Variants in SEM1 observed in about 807,000 individuals in gnomAD.
SEM1 encodes 26S proteasome complex subunit SEM1.
In SEM1, 3 loss-of-function variants were observed where a neutral mutation model predicts 12.7. The ratio of observed to expected loss-of-function variants is 0.24; its 90% CI spans 0.11 to 0.61. SEM1 has a LOEUF of 0.61. SEM1 is among the 20% of genes least tolerant of loss of function. SEM1 has a pLI of 0.88. For synonymous variants in SEM1, 30 were observed against 27.8 expected, an observed-to-expected ratio of 1.08 and a Z score of -0.25; for missense variants, 59 against 81.3, an observed-to-expected ratio of 0.73 and a Z score of 1.06.
chr7:96,625,716 C>A (rs932966070), intron 2 of SEM1, among the ~76,000 whole-genome samples: 5 of 152,154 alleles, frequency 3.3e-5, no homozygotes, highest in Admixed American at 1.3e-4. Context: ...TGCTGCTGAA[C>A]CACAGACCAT....
At chr7:96,538,547 T>G (rs1804857890) in intron 2 of SEM1, among the ~76,000 whole-genome samples, 1 of 151,880 alleles carries the variant, frequency 6.6e-6, no homozygotes, top group African/African-American at 2.4e-5. Context: ...ACTTGGGGCT[T>G]CCCTAAGTTC....
intron 2 of SEM1, among the ~76,000 whole-genome samples, chr7:96,555,087 T>G (rs1262336799): frequency 6.6e-6 from 1 of 151,484 alleles, no homozygotes; most frequent in East Asian, 1.9e-4. Context: ...TTCTTCTCTC[T>G]TTTCTTCTTT....
chr7:96,615,633 A>T (rs941691022), intron 2 of SEM1, among the ~76,000 whole-genome samples: 10 of 152,338 alleles, frequency 6.6e-5, no homozygotes, highest in African/African-American at 2.4e-4. Context: ...GCAAGTGCAG[A>T]TATCTTAAAT....
At chr7:96,669,002 G>A (rs1475352563), downstream of SEM1, among the ~76,000 whole-genome samples, 3 of 152,144 alleles carry the variant, frequency 2.0e-5, no homozygotes, top group Non-Finnish European at 4.4e-5. Flanking sequence ...AAATTAGGAA[G>A]AGACAAGGAA....
At chr7:96,631,523 T>C (rs2116337769) in intron 2 of SEM1, among the ~76,000 whole-genome samples, 1 of 152,302 alleles carries the variant, frequency 6.6e-6, no homozygotes, top group East Asian at 1.9e-4. Flanking sequence ...GATTCAAGAC[T>C]GTTTTACCAC....
rs114802947 is a variant in SEM1, at chr7:96,654,461, C to T, written c.171-31818G>A. 5.5e-3 allele frequency among the ~76,000 whole-genome samples: 842 copies of T among 152,252 alleles called. 8 individuals are homozygous for T. The highest frequency in any genetic ancestry group is 0.019 in the African/African-American group (798 of 41,564). On this transcript the variant is annotated intron_variant, in intron 2 of 2. Coordinates refer to the SEM1 transcript ENST00000417009. ...TGAAAGCTGTAGGCATTCATAGAAACCATACTTTGAATTTTGAATTTTGAT... is the reference window on the plus strand; with the variant it reads ...TGAAAGCTGTAGGCATTCATAGAAATCATACTTTGAATTTTGAATTTTGAT...
At chr7:96,606,289 C>T (rs763695423) in intron 2 of SEM1, among the ~76,000 whole-genome samples, 4 of 152,172 alleles carry the variant, frequency 2.6e-5, no homozygotes, top group African/African-American at 4.8e-5. Context: ...CTCAAGCCAA[C>T]TTTAAGTAAA....
chr7:96,610,334 G>A (rs1372045874), intron 2 of SEM1, among the ~76,000 whole-genome samples: 1 of 152,076 alleles, frequency 6.6e-6, no homozygotes, highest in South Asian at 2.1e-4. Context: ...CCCGACCTCA[G>A]GTGATCCGCC....
intron 2 of SEM1, among the ~76,000 whole-genome samples, chr7:96,583,742 T>A (rs950808032): frequency 1.3e-5 from 2 of 150,754 alleles, no homozygotes; most frequent in African/African-American, 2.4e-5. Context: ...TTCTTTGTCT[T>A]TTTTGATCTT....
At chr7:96,558,924 T>C (rs1308792697) in intron 2 of SEM1, among the ~76,000 whole-genome samples, 1 of 152,218 alleles carries the variant, frequency 6.6e-6, no homozygotes, top group African/African-American at 2.4e-5. Context: ...GGTAAGTCAC[T>C]TAAATTCTGA....
upstream of SEM1, among the ~76,000 whole-genome samples, chr7:96,499,972 T>G (rs1302029313): frequency 1.3e-5 from 2 of 152,188 alleles, no homozygotes; most frequent in Non-Finnish European, 2.9e-5. Flanking sequence ...AAGGGTATAA[T>G]TTTTTGACCT....
chr7:96,675,096 C>T (rs549073738), intron 2 of SEM1, among the ~76,000 whole-genome samples: 35 of 151,762 alleles, frequency 2.3e-4, no homozygotes, highest in Non-Finnish European at 4.6e-4. Context: ...CCCCACCCCA[C>T]CCCCCAAAAA....
At chr7:96,517,636 G>C (rs1420766479) in intron 2 of SEM1, among the ~76,000 whole-genome samples, 3 of 151,992 alleles carry the variant, frequency 2.0e-5, no homozygotes, top group African/African-American at 7.2e-5. Flanking sequence ...ATACTTTGCT[G>C]TTCCCTGATA....
intron 2 of SEM1, among the ~76,000 whole-genome samples, chr7:96,593,630 T>C (rs1217867076): frequency 6.6e-6 from 1 of 152,152 alleles, no homozygotes; most frequent in Non-Finnish European, 1.5e-5. Flanking sequence ...AACATGAATA[T>C]CAAACTGCAT....
exon 3 of SEM1, chr7:96,673,706 T>C (rs969023291): frequency 2.6e-6 from 2 of 761,396 alleles, no homozygotes; most frequent in South Asian, 1.4e-5. Context: ...ATCCTGTGCA[T>C]CCCAGCTCTT....
intron 2 of SEM1, among the ~76,000 whole-genome samples, chr7:96,602,104 A>C (rs911694815): frequency 2.0e-5 from 3 of 152,164 alleles, no homozygotes; most frequent in African/African-American, 4.8e-5. Context: ...CTCAGTGGAG[A>C]TGTCAAAGAG....
At chr7:96,696,040 T>C (rs540833299) in intron 1 of SEM1, 1 of 152,088 alleles carries the variant, frequency 6.6e-6, no homozygotes, top group South Asian at 2.1e-4. Context: ...AGTGATGTCT[T>C]CAAGTTGACT....
intron 2 of SEM1, among the ~76,000 whole-genome samples, chr7:96,660,584 T>C (rs1788970912): frequency 6.6e-6 from 1 of 152,168 alleles, no homozygotes; most frequent in African/African-American, 2.4e-5. Flanking sequence ...TAATTTCCAA[T>C]GTGCATTTAG....
At chr7:96,518,781 C>G (rs1804177676) in intron 2 of SEM1, among the ~76,000 whole-genome samples, 1 of 152,098 alleles carries the variant, frequency 6.6e-6, no homozygotes, top group Non-Finnish European at 1.5e-5. Flanking sequence ...TATCATCCCC[C>G]CACTCCATCA....
Sources: allele counts gnomAD v4.1 joint callset (sites outside exome capture counted in the v4.1 genomes callset), GRCh38; gene constraint gnomAD v4.1.1; transcripts MANE v1.5; gene names NCBI Gene and HGNC (gene_info 2026-07-23, HGNC 2026-07-21).